The following CDK14 variants were observed in gnomAD, a reference collection of about 807,000 sequenced individuals.
The protein encoded by CDK14 is cyclin dependent kinase 14, also known as cyclin-dependent kinase 14.
In CDK14, 34 loss-of-function variants were observed where a neutral mutation model predicts 60.7. The observed-to-expected ratio is 0.56, with a 90% confidence interval of 0.43 to 0.75. CDK14 has a LOEUF of 0.75. Ranked by LOEUF, CDK14 falls within the 30% of genes least tolerant of loss-of-function variation. The pLI is 0.00. For missense variants in CDK14, 482 were observed against 564.1 expected, an observed-to-expected ratio of 0.85 and a Z score of 1.47; for synonymous variants, 197 against 203.7, an observed-to-expected ratio of 0.97 and a Z score of 0.28.
chr7:91,078,251 A>G (rs576615813), intron 11 of CDK14, among the ~76,000 whole-genome samples: 5 of 152,240 alleles, frequency 3.3e-5, no homozygotes, highest in Non-Finnish European at 7.3e-5. Flanking sequence ...AGGTTCATCA[A>G]TGGGAGAACA....
chr7:90,974,817 T>C (rs971292969), intron 9 of CDK14, among the ~76,000 whole-genome samples: 2 of 152,136 alleles, frequency 1.3e-5, no homozygotes, highest in African/African-American at 2.4e-5. Context: ...AGTTGAAAGA[T>C]AGAAAGTTAT....
rs28947787 is a variant in CDK14 at position 90,642,661 on chromosome 7, T to G, written c.123+38412T>G. The stretch of plus-strand genomic sequence containing the variant: ...TCCCAAAGTGCTGGGATTACAGGCC[T>G]GAGCCACTGTGCCTAGCATGAATTG... On this transcript the variant is annotated intron_variant, in intron 2 of 14. Coordinates refer to ENST00000380050, the MANE Select transcript of CDK14 (RefSeq NM_001287135.2). 3.6e-4 allele frequency among the ~76,000 whole-genome samples: 55 copies of G among 152,356 alleles called. No individual in the cohort carries two copies. In the East Asian group the frequency reaches 0.01, roughly 28 times the overall value.
intron 9 of CDK14, among the ~76,000 whole-genome samples, chr7:90,976,184 TTTG>T (rs1272594857): frequency 6.6e-6 from 1 of 152,064 alleles, no homozygotes; most frequent in African/African-American, 2.4e-5. Flanking sequence ...CTTGCCAGCA[TTTG>T]TTATTTTTTA....
chr7:91,111,181 G>T (rs1799459278), intron 12 of CDK14, among the ~76,000 whole-genome samples: 2 of 152,110 alleles, frequency 1.3e-5, no homozygotes, highest in African/African-American at 2.4e-5. Context: ...TTGGATCTTT[G>T]TGTAATATTT....
chr7:90,649,296 CTTTCTT>C (rs1800545792), intron 2 of CDK14, among the ~76,000 whole-genome samples: 1 of 69,722 alleles, frequency 1.4e-5, no homozygotes, highest in Non-Finnish European at 2.5e-5. Flanking sequence ...TTCTTTCTTT[CTTTCTT>C]TCTTTCTTTC....
chr7:90,902,678 C>CCT (rs1792551502), intron 7 of CDK14, among the ~76,000 whole-genome samples: 2 of 152,196 alleles, frequency 1.3e-5, no homozygotes, highest in South Asian at 4.1e-4. Flanking sequence ...AGAAACACTT[C>CCT]AGGGCTTCGG....
chr7:90,729,686 T>A (rs1398432380), intron 3 of CDK14, among the ~76,000 whole-genome samples: 1 of 151,792 alleles, frequency 6.6e-6, no homozygotes, highest in African/African-American at 2.4e-5. Context: ...TATTACTTTG[T>A]GTGGGAACTG....
intron 12 of CDK14, among the ~76,000 whole-genome samples, chr7:91,099,761 T>C (rs1012852599): frequency 6.6e-6 from 1 of 151,986 alleles, no homozygotes. Flanking sequence ...TCATACAGGG[T>C]GGGTTTGTGT....
intron 10 of CDK14, among the ~76,000 whole-genome samples, chr7:91,032,608 A>G (rs1023784469): frequency 6.6e-6 from 1 of 152,196 alleles, no homozygotes; most frequent in Non-Finnish European, 1.5e-5. Context: ...GGAGTGATGC[A>G]TCCACAAGCC....
At chr7:90,730,197 A>T (rs1024941135) in intron 3 of CDK14, among the ~76,000 whole-genome samples, 3 of 152,068 alleles carry the variant, frequency 2.0e-5, no homozygotes, top group African/African-American at 7.2e-5. Context: ...ATCCTTTTTT[A>T]TGGCTGCATA....
chr7:90,755,913 A>G (rs1261791160), intron 4 of CDK14, among the ~76,000 whole-genome samples: 3 of 152,206 alleles, frequency 2.0e-5, no homozygotes, highest in African/African-American at 7.2e-5. Flanking sequence ...TGTGTACAAT[A>G]TAGTACATCC....
At chr7:90,613,510 A>G (rs1412135937) in intron 2 of CDK14, among the ~76,000 whole-genome samples, 1 of 151,788 alleles carries the variant, frequency 6.6e-6, no homozygotes, top group Non-Finnish European at 1.5e-5. Flanking sequence ...AACGTAGTGA[A>G]ACCCTGTGTC....
chr7:90,819,533 T>C (rs1789470722), intron 5 of CDK14, among the ~76,000 whole-genome samples: 1 of 152,096 alleles, frequency 6.6e-6, no homozygotes, highest in East Asian at 1.9e-4. Flanking sequence ...GAAAATTGTG[T>C]TCTTTTTAAT....
intron 6 of CDK14, among the ~76,000 whole-genome samples, chr7:90,892,856 G>A (rs1792178309): frequency 6.6e-6 from 1 of 152,162 alleles, no homozygotes; most frequent in African/African-American, 2.4e-5. Context: ...TTGGCTCACT[G>A]CAACCTCTGA....
intron 2 of CDK14, among the ~76,000 whole-genome samples, chr7:90,666,052 TC>T (rs1800973743): frequency 6.6e-6 from 1 of 152,158 alleles, no homozygotes; most frequent in African/African-American, 2.4e-5. Flanking sequence ...GTCCCTGCCT[TC>T]CCCTGCAGCC....
At chr7:90,702,171 G>T (rs551497695) in intron 2 of CDK14, among the ~76,000 whole-genome samples, 3 of 152,212 alleles carry the variant, frequency 2.0e-5, no homozygotes, top group South Asian at 4.1e-4. Context: ...CAAACAATTC[G>T]GTTCTACTTC....
At chr7:90,771,570 G>T (rs1384537869) in intron 4 of CDK14, among the ~76,000 whole-genome samples, 2 of 152,220 alleles carry the variant, frequency 1.3e-5, no homozygotes, top group Non-Finnish European at 2.9e-5. Context: ...TGAGTCTGGG[G>T]TTTTTATGGG....
At chr7:91,122,256 CCACATTATGTAGGAA>C (rs34989047) in intron 14 of CDK14, among the ~76,000 whole-genome samples, 6,387 of 152,110 alleles carry the variant, frequency 0.042, 272 homozygotes, top group Admixed American at 0.11. Flanking sequence ...TTCTGCAAAT[CCACATTATGTAGGAA>C]TTACATGATA....
intron 10 of CDK14, among the ~76,000 whole-genome samples, chr7:91,041,159 A>G (rs1434779362): frequency 2.7e-5 from 4 of 147,204 alleles, no homozygotes; most frequent in Non-Finnish European, 6.0e-5. Context: ...ACCTCCACGG[A>G]TAAGATGAGC....
Sources: allele counts gnomAD v4.1 joint callset (sites outside exome capture counted in the v4.1 genomes callset), GRCh38; gene constraint gnomAD v4.1.1; transcripts MANE v1.5; gene names NCBI Gene and HGNC (gene_info 2026-07-23, HGNC 2026-07-21).